The following TENM3 variants were observed in gnomAD, a reference collection of about 807,000 sequenced individuals.
TENM3 encodes the protein teneurin-3.
In TENM3, 63 loss-of-function variants were observed where a neutral mutation model predicts 255.1. That is an observed-to-expected ratio of 0.25 (90% CI 0.20 to 0.30). The LOEUF is 0.30. Ranked by LOEUF, TENM3 falls within the 10% of genes least tolerant of loss-of-function variation. The pLI, the probability that TENM3 is intolerant of heterozygous loss-of-function variation, is 1.00. For missense variants in TENM3, 2,929 were observed against 3,461.1 expected, an observed-to-expected ratio of 0.85 and a Z score of 3.86; for synonymous variants, 1,306 against 1,322.3, an observed-to-expected ratio of 0.99 and a Z score of 0.27.
intron 13 of TENM3, among the ~76,000 whole-genome samples, chr4:182,728,529 GA>G (rs1316551878): frequency 1.3e-5 from 2 of 152,158 alleles, no homozygotes; most frequent in African/African-American, 4.8e-5. Flanking sequence ...TACTGATGGG[GA>G]TATGTTCTGA....
At chr4:182,335,364 A>C (rs147405942) in intron 2 of TENM3, among the ~76,000 whole-genome samples, 1 of 139,164 alleles carries the variant, frequency 7.2e-6, no homozygotes, top group Non-Finnish European at 1.6e-5. Flanking sequence ...GCGCGGTGGC[A>C]GGCGCCTGTA....
rs750893549 is a variant in TENM3 at position 182,792,245 on chromosome 4, CTGAG to C, written c.5602-27_5602-24del. On this transcript the variant is annotated intron_variant, in intron 25 of 27. Transcript: ENST00000511685. This position sits in a 1 kb window ranked among gnomAD's most constrained non-coding sequence, Gnocchi z 6.3. ...CTTTTGCATCTCCCGTTCACAAACA[CTGAG>C]TAACAGTATGTTCTCTCTTTACAGT... is the stretch of plus-strand genomic sequence containing the variant. The C allele has an allele frequency of 8.5e-5, 134 of 1,570,302 alleles. No individual in the cohort carries two copies. Among genetic ancestry groups the C allele is most frequent in the Non-Finnish European group, 1.1e-4 (123 of 1,161,250 alleles).
the TENM3 span, among the ~76,000 whole-genome samples, chr4:181,501,113 A>G: frequency 1.8e-4 from 27 of 152,164 alleles, no homozygotes. Flanking sequence ...AGAAATTACC[A>G]TGGCAGAAAA....
chr4:182,339,967 T>C (rs939308086), intron 2 of TENM3, among the ~76,000 whole-genome samples: 3 of 152,220 alleles, frequency 2.0e-5, no homozygotes, highest in African/African-American at 4.8e-5. Context: ...CTAAAGCTTT[T>C]TTTATGGTTG....
chr4:182,000,100 A>T, the TENM3 span, among the ~76,000 whole-genome samples: 3 of 152,218 alleles, frequency 2.0e-5, no homozygotes, highest in South Asian at 6.2e-4. Context: ...TTTCTACGTC[A>T]TATCAACTGG....
chr4:182,756,548 TC>T (rs1377630857), intron 22 of TENM3, among the ~76,000 whole-genome samples: 1 of 152,194 alleles, frequency 6.6e-6, no homozygotes, highest in Admixed American at 6.5e-5. Flanking sequence ...AATCCTGAGT[TC>T]CTTAGTGTGG....
chr4:181,579,099 G>C, the TENM3 span, among the ~76,000 whole-genome samples: 4 of 152,152 alleles, frequency 2.6e-5, no homozygotes, highest in African/African-American at 9.6e-5. Context: ...GCTCCCTGCA[G>C]TCATTTGCTC....
chr4:182,255,489 A>G (rs1009641229), intron 1 of TENM3, among the ~76,000 whole-genome samples: 2 of 152,182 alleles, frequency 1.3e-5, no homozygotes, highest in African/African-American at 4.8e-5. Context: ...GGATTATGGT[A>G]TATTATGCTT....
upstream of TENM3, among the ~76,000 whole-genome samples, chr4:182,241,651 A>G (rs559254198): frequency 2.0e-5 from 3 of 151,204 alleles, no homozygotes. Flanking sequence ...CTGGGACTAC[A>G]GGCATGTGCC....
chr4:181,922,907 T>C, the TENM3 span, among the ~76,000 whole-genome samples: 1 of 152,120 alleles, frequency 6.6e-6, no homozygotes, highest in Admixed American at 6.6e-5. Flanking sequence ...CTGCTTTGAA[T>C]GTGTCCCAGA....
chr4:181,581,664 A>C, the TENM3 span, among the ~76,000 whole-genome samples: 633 of 151,866 alleles, frequency 4.2e-3, 2 homozygotes, highest in African/African-American at 0.015. Flanking sequence ...GAAAAATACT[A>C]TACCTGTTAT....
the TENM3 span, among the ~76,000 whole-genome samples, chr4:181,963,781 G>T: frequency 7.8e-4 from 119 of 152,272 alleles, 1 homozygote; most frequent in Non-Finnish European, 1.5e-3. Flanking sequence ...ATGGGTGCTT[G>T]TTATATAAGT....
chr4:182,462,886 C>A (rs1214975362), intron 3 of TENM3, among the ~76,000 whole-genome samples: 3 of 148,382 alleles, frequency 2.0e-5, no homozygotes, highest in African/African-American at 7.5e-5. Context: ...GACTCCATCT[C>A]AAAAAAAAAA....
At chr4:181,834,667 C>T in the TENM3 span, among the ~76,000 whole-genome samples, 115 of 152,282 alleles carry the variant, frequency 7.6e-4, 2 homozygotes, top group African/African-American at 2.6e-3. Flanking sequence ...TCCTGTCATG[C>T]GTTCGTACAC....
intron 11 of TENM3, among the ~76,000 whole-genome samples, chr4:182,686,133 C>A (rs538043117): frequency 5.3e-5 from 8 of 151,566 alleles, no homozygotes; most frequent in African/African-American, 1.9e-4. Context: ...ATCCTCAATG[C>A]AAAAAAGAAA....
chr4:181,772,340 T>G, the TENM3 span, among the ~76,000 whole-genome samples: 1 of 151,802 alleles, frequency 6.6e-6, no homozygotes, highest in Non-Finnish European at 1.5e-5. Flanking sequence ...ATCAGGCCAC[T>G]GCACTCCAGC....
the TENM3 span, among the ~76,000 whole-genome samples, chr4:181,555,473 C>T: frequency 3.9e-5 from 6 of 152,154 alleles, no homozygotes; most frequent in South Asian, 1.2e-3. Flanking sequence ...ATTTGAAATC[C>T]AATTTAAATA....
At chr4:181,987,379 CT>C in the TENM3 span, among the ~76,000 whole-genome samples, 1 of 152,054 alleles carries the variant, frequency 6.6e-6, no homozygotes, top group African/African-American at 2.4e-5. Context: ...GCTGTTTCCC[CT>C]CTTCATCCTG....
At chr4:181,570,247 T>G in the TENM3 span, among the ~76,000 whole-genome samples, 1 of 151,736 alleles carries the variant, frequency 6.6e-6, no homozygotes, top group African/African-American at 2.4e-5. Flanking sequence ...GGGTTTCACC[T>G]TGTTAGCCAG....
Sources: allele counts gnomAD v4.1 joint callset (sites outside exome capture counted in the v4.1 genomes callset), GRCh38; gene constraint gnomAD v4.1.1; non-coding constraint Gnocchi (gnomAD v3.1); transcripts MANE v1.5; gene names NCBI Gene and HGNC (gene_info 2026-07-23, HGNC 2026-07-21).